PEX7: variants seen among roughly 807,000 people sequenced by gnomAD.
PEX7 encodes peroxisomal biogenesis factor 7.
In PEX7, 34 loss-of-function variants were observed where a neutral mutation model predicts 47.5. The ratio of observed to expected loss-of-function variants is 0.72; its 90% CI spans 0.54 to 0.95. PEX7 has a LOEUF of 0.95. Among genes scored for constraint, PEX7 ranks in the 40% least tolerant of loss-of-function variants. The probability of loss-of-function intolerance (pLI) is 0.00; values close to 1 mark genes in which losing one functional copy is unlikely to be tolerated. For missense variants in PEX7, 394 were observed against 400.3 expected (o/e 0.98, Z 0.13); for synonymous variants, 141 against 148.8 (o/e 0.95, Z 0.38).
Position 136,822,735 on chromosome 6 carries a change from T to C in PEX7, c.70T>C (p.Phe24Leu), listed in dbSNP as rs1469654806. 1 of 1,510,768 alleles carries C rather than the reference T, an allele frequency of 6.6e-7. No individual in the cohort carries two copies. The highest frequency in any genetic ancestry group is 1.4e-5 in the African/African-American group (1 of 69,562). The allele number at this position is 1,510,768 out of a possible 1,614,324, so 93.6% of individuals were successfully genotyped here. The change falls in exon 1 of 10, where the codon TTC becomes CTC. Residue 24 changes from phenylalanine to leucine, a missense_variant. Coordinates refer to ENST00000318471, the MANE Select transcript of PEX7 (RefSeq NM_000288.4). ...GGGACGCCACGGCTACGCCGCCGAG[T>C]TCTCCCCGTACCTGCCGGGCCGCCT... ...TPGRHGYAAE[F>L]SPYLPGRLAC...
intron 8 of PEX7, among the ~76,000 whole-genome samples, chr6:136,896,039 G>A: frequency 6.6e-6 from 1 of 152,148 alleles, no homozygotes; most frequent in South Asian, 2.1e-4. Context: ...CACACTTTCA[G>A]GCTGAAGTTG....
intron 8 of PEX7, among the ~76,000 whole-genome samples, chr6:136,893,017 C>T (rs892338496): frequency 2.0e-5 from 3 of 152,056 alleles, no homozygotes; most frequent in African/African-American, 4.8e-5. Flanking sequence ...GATCATAGAC[C>T]GATGTTAACA....
Position 136,897,639 on chromosome 6 carries a change from AT to A in PEX7, c.804-496del, listed in dbSNP as rs992276805. 4.6e-5 allele frequency among the ~76,000 whole-genome samples: 7 copies of A among 152,292 alleles called. 1 individual carries two copies. Among genetic ancestry groups the A allele is most frequent in the Admixed American group, 4.6e-4 (7 of 15,298 alleles). On this transcript the variant is annotated intron_variant, in intron 8 of 9. Transcript: ENST00000318471. Reference sequence around the variant, plus strand: ...TACAGAGATTTTCATAAGAGAACAGATTTTTTTCAAAGAATTCTAATTGCTG... The same window carrying A: ...TACAGAGATTTTCATAAGAGAACAGATTTTTTCAAAGAATTCTAATTGCTG...
At chr6:136,829,949 T>C in intron 3 of PEX7, 1 of 694,210 alleles carries the variant, frequency 1.4e-6, no homozygotes, top group Non-Finnish European at 2.6e-6. Flanking sequence ...AAGAAAGTTA[T>C]TAAAAAAAAA....
intron 9 of PEX7, among the ~76,000 whole-genome samples, chr6:136,899,523 C>T (rs955623957): frequency 1.2e-4 from 19 of 152,252 alleles, no homozygotes; most frequent in African/African-American, 3.9e-4. Context: ...GGATTACAGA[C>T]ATGAACCACC....
At chr6:136,870,759 C>G (rs868240635) in intron 7 of PEX7, 3 of 407,802 alleles carry the variant, frequency 7.4e-6, no homozygotes, top group East Asian at 1.9e-4. Flanking sequence ...CACCCAGACA[C>G]GATCTCAGCT....
At position 136,900,719 on chromosome 6, in the gene PEX7, T is replaced by C. The variant is rs943156821; in HGVS notation, c.903+2478T>C. 4.1e-5 allele frequency: 14 copies of C among 344,778 alleles called. No individual in the cohort carries two copies. Among genetic ancestry groups the C allele is most frequent in the Non-Finnish European group, 6.2e-5 (11 of 178,386 alleles). The allele number at this position is 344,778 out of a possible 1,614,324, so 21.4% of individuals were successfully genotyped here. A position where few individuals can be genotyped will look rare whatever the true frequency, so the allele number is the denominator to read the frequency against. On this transcript the variant is annotated intron_variant, in intron 9 of 9. Transcript: ENST00000318471. The surrounding 1 kb of genome is among the most constrained non-coding windows in gnomAD (Gnocchi z 4.2). Reference sequence around the variant, plus strand: ...TGTGCAGTCACCGCCAGCTGAGCCTTCTTCTTCTCCACCAAGGTGGTGACG... The same window carrying C: ...TGTGCAGTCACCGCCAGCTGAGCCTCCTTCTTCTCCACCAAGGTGGTGACG...
Position 136,913,444 on chromosome 6 carries a change from T to A in PEX7, c.904-14T>A. 1 of 1,598,592 alleles carries A rather than the reference T, an allele frequency of 6.3e-7. No homozygotes were observed. The highest frequency in any genetic ancestry group is 8.6e-7 in the Non-Finnish European group (1 of 1,166,466). On this transcript the variant is annotated splice_polypyrimidine_tract_variant and intron_variant, in intron 9 of 9. Coordinates refer to ENST00000318471, the MANE Select transcript of PEX7 (RefSeq NM_000288.4). ...TCTAAATACGTTTCTTCTTACTTCA[T>A]TTTTGTTTTCTAGGTGGCTGACTGT...
At chr6:136,848,187 AT>A (rs1223670064) in intron 5 of PEX7, among the ~76,000 whole-genome samples, 1 of 152,196 alleles carries the variant, frequency 6.6e-6, no homozygotes, top group East Asian at 1.9e-4. Flanking sequence ...ATTCTTGCAC[AT>A]TGATTTTGTA....
At chr6:136,831,335 CAAG>C (rs1554329741) in intron 3 of PEX7, among the ~76,000 whole-genome samples, 8 of 152,162 alleles carry the variant, frequency 5.3e-5, no homozygotes, top group Non-Finnish European at 1.2e-4. Flanking sequence ...CTCACTATCA[CAAG>C]AACAGCATGG....
chr6:136,830,082 A>G, intron 3 of PEX7: 1 of 710,002 alleles, frequency 1.4e-6, no homozygotes, highest in Non-Finnish European at 2.6e-6. Context: ...AGAGTATATA[A>G]TAAAGACGTA....
At chr6:136,829,067 C>T (rs919178388) in intron 3 of PEX7, among the ~76,000 whole-genome samples, 4 of 152,114 alleles carry the variant, frequency 2.6e-5, no homozygotes, top group African/African-American at 9.7e-5. Context: ...TAATAGAAAA[C>T]AATTAAATGG....
intron 1 of PEX7, among the ~76,000 whole-genome samples, chr6:136,823,715 AC>A (rs1167869511): frequency 2.0e-5 from 3 of 152,026 alleles, no homozygotes; most frequent in African/African-American, 7.2e-5. Context: ...ACATGGAGAA[AC>A]CCCATCTCTA....
chr6:136,869,442 T>G (rs1436770693), intron 6 of PEX7, among the ~76,000 whole-genome samples: 1 of 152,114 alleles, frequency 6.6e-6, no homozygotes, highest in Non-Finnish European at 1.5e-5. Context: ...CTTGCTTTAT[T>G]GTCCATGCTG....
intron 5 of PEX7, among the ~76,000 whole-genome samples, chr6:136,861,948 A>G (rs986960835): frequency 6.9e-6 from 1 of 145,458 alleles, no homozygotes; most frequent in Non-Finnish European, 1.5e-5. Flanking sequence ...ACCCTGCATT[A>G]TACACTGAAG....
intron 3 of PEX7, among the ~76,000 whole-genome samples, chr6:136,831,184 C>G (rs1774286465): frequency 6.6e-6 from 1 of 151,926 alleles, no homozygotes; most frequent in East Asian, 1.9e-4. Flanking sequence ...CTGGGGAGGC[C>G]TCAGGAAACT....
At position 136,863,679 on chromosome 6, in the gene PEX7, A is replaced by G. The variant is rs568438562; in HGVS notation, c.527-2948A>G. Among the ~76,000 whole-genome samples the G allele has an allele frequency of 1.3e-4, 20 of 152,196 alleles. No homozygotes were observed. The East Asian group carries it at 3.9e-3, about 29-fold the overall frequency. On this transcript the variant is annotated intron_variant, in intron 5 of 9. Coordinates refer to ENST00000318471, the MANE Select transcript of PEX7 (RefSeq NM_000288.4). The stretch of plus-strand genomic sequence containing the variant: ...TCCCCTCACTTTGGGAGGCTGAGGC[A>G]GGTGGATTGCTTGAGCTCGGGAGCT...
rs2295591 is a variant in PEX7, at chr6:136,845,333, G to A, written c.340-282G>A. Reference sequence around the variant, plus strand: ...GCTGCAAACAGTGATTTGTTGGTAGGTTTTAAAATATGTATAATTTGTTTT... The same window carrying A: ...GCTGCAAACAGTGATTTGTTGGTAGATTTTAAAATATGTATAATTTGTTTT... On this transcript the variant is annotated intron_variant, in intron 3 of 9. Coordinates refer to ENST00000318471, the MANE Select transcript of PEX7 (RefSeq NM_000288.4). Among the ~76,000 whole-genome samples, 3,842 of 152,256 alleles carry A rather than the reference G, an allele frequency of 0.025. 92 individuals are homozygous for A. Among genetic ancestry groups the A allele is most frequent in the East Asian group, 0.067 (346 of 5,188 alleles).
intron 5 of PEX7, among the ~76,000 whole-genome samples, chr6:136,850,246 A>G (rs1191979779): frequency 4.6e-5 from 7 of 150,580 alleles, no homozygotes; most frequent in African/African-American, 1.5e-4. Flanking sequence ...TTGAGCCTTT[A>G]TGTGTCTCTG....
Sources: allele counts gnomAD v4.1 joint callset (sites outside exome capture counted in the v4.1 genomes callset), GRCh38; gene constraint gnomAD v4.1.1; non-coding constraint Gnocchi (gnomAD v3.1); transcripts MANE v1.5; gene names NCBI Gene and HGNC (gene_info 2026-07-23, HGNC 2026-07-21).